Variants in PCDH15 observed in about 807,000 individuals in gnomAD.
PCDH15 encodes protocadherin-15.
PCDH15 carries 129 observed loss-of-function variants against 178.5 expected under a neutral mutation model. The observed-to-expected ratio is 0.72, with a 90% CI of 0.63 to 0.84. The LOEUF (loss-of-function observed/expected upper bound fraction) is 0.84, where lower values mean the gene tolerates loss of function less well. PCDH15 is among the 40% of genes least tolerant of loss of function. The pLI, the probability that PCDH15 is intolerant of heterozygous loss-of-function variation, is 0.00. For synonymous variants in PCDH15, 800 were observed against 732.0 expected (o/e 1.09, Z -1.50); for missense variants, 2,230 against 2,099.9 (o/e 1.06, Z -1.21).
At chr10:55,355,549 T>A (rs974971002) in intron 2 of PCDH15, among the ~76,000 whole-genome samples, 1 of 151,968 alleles carries the variant, frequency 6.6e-6, no homozygotes, top group Admixed American at 6.6e-5. Context: ...CTGGGTTAAG[T>A]GTCCCAGGTC....
At chr10:54,230,295 G>A (rs1345640630) in intron 9 of PCDH15, among the ~76,000 whole-genome samples, 1 of 152,062 alleles carries the variant, frequency 6.6e-6, no homozygotes, top group Non-Finnish European at 1.5e-5. Context: ...AACCACATGT[G>A]CTCAGCTATA....
chr10:55,614,940 A>G (rs1298342028), intron 2 of PCDH15, among the ~76,000 whole-genome samples: 1 of 152,204 alleles, frequency 6.6e-6, no homozygotes, highest in Non-Finnish European at 1.5e-5. Context: ...GTTTATTTCT[A>G]AGAACATAAT....
chr10:55,176,973 A>T (rs1369535585), intron 1 of PCDH15, among the ~76,000 whole-genome samples: 1 of 152,144 alleles, frequency 6.6e-6, no homozygotes, highest in Non-Finnish European at 1.5e-5. Context: ...TGTAGATGAC[A>T]TTCTCCATTG....
chr10:55,582,553 T>A (rs946543940), intron 2 of PCDH15, among the ~76,000 whole-genome samples: 1 of 146,610 alleles, frequency 6.8e-6, no homozygotes, highest in Non-Finnish European at 1.5e-5. Flanking sequence ...AAAAAAATAG[T>A]GGTTGATCTG....
rs570540339 is a variant in PCDH15, at chr10:54,082,729, G to A, written c.1998-3305C>T. Among the ~76,000 whole-genome samples the A allele has an allele frequency of 1.6e-3, 232 of 146,946 alleles. 3 individuals carry two copies. The highest frequency in any genetic ancestry group is 3.4e-3 in the Middle Eastern group (1 of 290). On this transcript the variant is annotated intron_variant, in intron 16 of 37. Transcript: ENST00000644397. Reference sequence around the variant, plus strand: ...GACACCAGATGCACGGGAAGCAAAGGAAAAAATAGATATACTGAACTTCGT... The same window carrying A: ...GACACCAGATGCACGGGAAGCAAAGAAAAAAATAGATATACTGAACTTCGT...
intron 13 of PCDH15, among the ~76,000 whole-genome samples, chr10:54,169,445 T>G (rs55773331): frequency 0.69 from 86,457 of 124,938 alleles, 31,613 homozygotes; most frequent in Middle Eastern, 0.78. Flanking sequence ...CCCAACTCTG[T>G]TGCCAACTTA....
At chr10:55,066,328 G>A (rs1841563752) in intron 2 of PCDH15, among the ~76,000 whole-genome samples, 1 of 150,408 alleles carries the variant, frequency 6.6e-6, no homozygotes. Flanking sequence ...GTTTTTTACT[G>A]TTCTCTTGGG....
chr10:53,827,278 G>A (rs949965337), intron 32 of PCDH15, 115 bp downstream of exon 32: 5 of 1,310,772 alleles, frequency 3.8e-6, no homozygotes, highest in Non-Finnish European at 5.0e-6. Flanking sequence ...GAAAATAATA[G>A]AATAAAATAA....
At chr10:54,420,820 C>G (rs1450618573) in intron 3 of PCDH15, among the ~76,000 whole-genome samples, 2 of 151,916 alleles carry the variant, frequency 1.3e-5, no homozygotes, top group African/African-American at 2.4e-5. Flanking sequence ...AAATGGAAAT[C>G]AGTATTTTTT....
At chr10:54,308,760 T>C (rs2060708738) in intron 8 of PCDH15, among the ~76,000 whole-genome samples, 1 of 152,042 alleles carries the variant, frequency 6.6e-6, no homozygotes, top group Non-Finnish European at 1.5e-5. Flanking sequence ...ATTAGGTATT[T>C]CTCCTAATGC....
At chr10:55,572,420 G>T in intron 2 of PCDH15, among the ~76,000 whole-genome samples, 1 of 150,652 alleles carries the variant, frequency 6.6e-6, no homozygotes. Flanking sequence ...AAACCACCTA[G>T]CTAGTATATT....
At chr10:55,362,728 A>G in intron 2 of PCDH15, among the ~76,000 whole-genome samples, 1 of 151,490 alleles carries the variant, frequency 6.6e-6, no homozygotes, top group African/African-American at 2.4e-5. Context: ...TGTGATTACC[A>G]CCACAGTCAA....
chr10:54,086,106 TA>T (rs2094512135), intron 16 of PCDH15, among the ~76,000 whole-genome samples: 1 of 151,982 alleles, frequency 6.6e-6, no homozygotes, highest in African/African-American at 2.4e-5. Context: ...ATAAAGAAAA[TA>T]AGTTTATTTG....
intron 18 of PCDH15, among the ~76,000 whole-genome samples, chr10:54,032,789 A>G (rs1419825402): frequency 1.3e-5 from 2 of 152,096 alleles, no homozygotes; most frequent in Admixed American, 6.6e-5. Context: ...TGGGGGATTT[A>G]TAAATGAAAG....
At chr10:55,503,131 A>G (rs1435554808) in intron 2 of PCDH15, among the ~76,000 whole-genome samples, 1 of 151,390 alleles carries the variant, frequency 6.6e-6, no homozygotes, top group African/African-American at 2.4e-5. Context: ...AATTCATTAA[A>G]CACATATATT....
At chr10:54,932,144 T>G (rs1837794116) in intron 2 of PCDH15, among the ~76,000 whole-genome samples, 1 of 152,154 alleles carries the variant, frequency 6.6e-6, no homozygotes, top group Admixed American at 6.6e-5. Context: ...ATAAAAAAAG[T>G]TAACTGTAAA....
In PCDH15 at chr10:53,914,544, C is replaced by G. The variant is rs143854531; in HGVS notation, c.3374-11174G>C. 7.5e-3 allele frequency among the ~76,000 whole-genome samples: 1,142 copies of G among 152,216 alleles called. 43 individuals are homozygous for G. Among genetic ancestry groups the G allele is most frequent in the Admixed American group, 0.069 (1,059 of 15,270 alleles). On this transcript the variant is annotated intron_variant, in intron 25 of 37. Coordinates refer to ENST00000644397, the MANE Select transcript of PCDH15 (RefSeq NM_001384140.1). ...AATCCAAACACCACATGTTCTCACT[C>G]ATAGGTGGGAATTGAACAATGAGAA...
chr10:55,588,696 A>T (rs569550014), intron 2 of PCDH15, among the ~76,000 whole-genome samples: 1 of 152,294 alleles, frequency 6.6e-6, no homozygotes, highest in African/African-American at 2.4e-5. Context: ...AAAAATTGTA[A>T]AACTAAGAAA....
At chr10:55,150,932 A>T (rs1438418362) in intron 2 of PCDH15, among the ~76,000 whole-genome samples, 3 of 152,130 alleles carry the variant, frequency 2.0e-5, no homozygotes, top group Admixed American at 6.6e-5. Context: ...ATAGTAACTG[A>T]GACACTGTGG....
Sources: allele counts gnomAD v4.1 joint callset (sites outside exome capture counted in the v4.1 genomes callset), GRCh38; gene constraint gnomAD v4.1.1; transcripts MANE v1.5; gene names NCBI Gene and HGNC (gene_info 2026-07-23, HGNC 2026-07-21).